EIF4G3: variants seen among roughly 807,000 people sequenced by gnomAD.
The protein encoded by EIF4G3 is eukaryotic translation initiation factor 4 gamma 3.
Under a neutral mutation model 186.4 loss-of-function variants are expected in EIF4G3, and 34 were observed. The observed-to-expected ratio is 0.18, with a 90% CI of 0.14 to 0.24. The LOEUF (loss-of-function observed/expected upper bound fraction) is 0.24, where lower values mean the gene tolerates loss of function less well. Ranked by LOEUF, EIF4G3 falls within the 10% of genes least tolerant of loss-of-function variation. The pLI is 1.00. For missense variants in EIF4G3, 1,536 were observed against 1,948.5 expected, an observed-to-expected ratio of 0.79 and a Z score of 3.99; for synonymous variants, 673 against 679.5, an observed-to-expected ratio of 0.99 and a Z score of 0.15.
chr1:21,128,552 T>C (rs956995413), intron 2 of EIF4G3, among the ~76,000 whole-genome samples: 3 of 152,150 alleles, frequency 2.0e-5, no homozygotes, highest in Non-Finnish European at 4.4e-5. Flanking sequence ...TTATATAACT[T>C]TGCTTTGGTC....
At chr1:20,809,920 CCTAAT>C (rs10599747) in intron 36 of EIF4G3, among the ~76,000 whole-genome samples, 47,667 of 151,756 alleles carry the variant, frequency 0.31, 8,189 homozygotes, top group Non-Finnish European at 0.39. Flanking sequence ...GATGAAATAA[CCTAAT>C]CTAAATAGTT....
chr1:20,845,255 T>C (rs1466088561), intron 29 of EIF4G3, among the ~76,000 whole-genome samples: 1 of 152,250 alleles, frequency 6.6e-6, no homozygotes, highest in Non-Finnish European at 1.5e-5. Flanking sequence ...TTGTTGAAGA[T>C]AAGATAATTG....
At chr1:21,153,322 C>A (rs957034227) in intron 2 of EIF4G3, among the ~76,000 whole-genome samples, 1 of 152,224 alleles carries the variant, frequency 6.6e-6, no homozygotes, top group African/African-American at 2.4e-5. Context: ...ATAGCACTAT[C>A]ATTCTTTTAA....
At chr1:20,912,510 A>C (rs1029807223) in intron 14 of EIF4G3, among the ~76,000 whole-genome samples, 1 of 152,150 alleles carries the variant, frequency 6.6e-6, no homozygotes, top group African/African-American at 2.4e-5. Context: ...ATGTGTCCAG[A>C]GTCTGGGTCT....
intron 4 of EIF4G3, among the ~76,000 whole-genome samples, chr1:21,041,429 T>G (rs1418824424): frequency 2.0e-5 from 3 of 152,152 alleles, no homozygotes; most frequent in Non-Finnish European, 2.9e-5. Flanking sequence ...TATAACAAAT[T>G]CATGTATTAA....
chr1:21,144,850 C>A (rs537193280), intron 2 of EIF4G3, among the ~76,000 whole-genome samples: 1 of 152,264 alleles, frequency 6.6e-6, no homozygotes, highest in Admixed American at 6.5e-5. Context: ...TCAAACTATG[C>A]AGATCTTGGT....
intron 30 of EIF4G3, among the ~76,000 whole-genome samples, chr1:20,829,496 A>G (rs1019000437): frequency 2.6e-5 from 4 of 152,198 alleles, no homozygotes; most frequent in African/African-American, 9.7e-5. Flanking sequence ...AAATAGGGCT[A>G]ATACTCTGAA....
chr1:20,906,668 C>A (rs1333216963), intron 14 of EIF4G3, among the ~76,000 whole-genome samples: 1 of 151,800 alleles, frequency 6.6e-6, no homozygotes, highest in African/African-American at 2.4e-5. Flanking sequence ...GGAAAAAAAA[C>A]AGCTACTGAG....
chr1:20,899,855 G>T lies in EIF4G3; in HGVS notation c.1841C>A (p.Pro614His). ...MSQGFHPERD[P>H]SDLKKVKAVE... Reference sequence around the variant, plus strand: ...AGCTTTCACTTTTTTTAGGTCAGAGGGGTCTCTTTCAGGATGAAACCCCTG... The same window carrying T: ...AGCTTTCACTTTTTTTAGGTCAGAGTGGTCTCTTTCAGGATGAAACCCCTG... Residue 614 changes from proline to histidine, a missense_variant, in exon 16 of 37, where the codon CCC becomes CAC. By Grantham distance (77) the Pro-to-His change is moderately conservative. This residue lies in a region of EIF4G3 where 560 missense variants were observed against 547.8 expected (regional missense o/e 1.02). Coordinates refer to ENST00000602326, the MANE Select transcript of EIF4G3 (RefSeq NM_001391906.1). 6.2e-7 allele frequency: 1 copy of T among 1,613,976 alleles called. No homozygotes were observed. The highest frequency in any genetic ancestry group is 8.5e-7 in the Non-Finnish European group (1 of 1,179,996).
rs553121983 is a variant in EIF4G3 at position 21,093,176 on chromosome 1, G to T, written c.-271-3963C>A. ...GAGTGAACAGGCAACCTACAGAATG[G>T]AAGAAAAATTTTGCAATCTACTCAT... On this transcript the variant is annotated intron_variant, in intron 2 of 36. Transcript: ENST00000602326. Among the ~76,000 whole-genome samples, 114 of 152,106 alleles carry T rather than the reference G, an allele frequency of 7.5e-4. 4 individuals are homozygous for T. The South Asian group carries it at 0.022, about 29-fold the overall frequency.
intron 18 of EIF4G3, among the ~76,000 whole-genome samples, chr1:20,889,410 C>G (rs1356993742): frequency 6.6e-6 from 1 of 152,164 alleles, no homozygotes; most frequent in Admixed American, 6.6e-5. Flanking sequence ...TTATATAGGT[C>G]CAATGCTCCT....
At chr1:21,065,397 CAAAAA>C (rs3081969) in intron 3 of EIF4G3, among the ~76,000 whole-genome samples, 72 of 124,080 alleles carry the variant, frequency 5.8e-4, no homozygotes, top group South Asian at 1.9e-3. Flanking sequence ...TTGTTTCTAC[CAAAAA>C]AAAAAAAAAA....
intron 14 of EIF4G3, among the ~76,000 whole-genome samples, chr1:20,917,103 T>C (rs1029624812): frequency 9.4e-5 from 14 of 149,636 alleles, no homozygotes; most frequent in Non-Finnish European, 1.5e-4. Context: ...TGTCTATCAA[T>C]AGGTTAACAA....
chr1:20,899,564 G>A, intron 16 of EIF4G3, 133 bp downstream of exon 16: 1 of 1,163,896 alleles, frequency 8.6e-7, no homozygotes, highest in Non-Finnish European at 1.2e-6. Flanking sequence ...TGGGCTTGCT[G>A]ATCTGTCCTG....
chr1:20,904,875 T>C lies in EIF4G3; in HGVS notation c.1752+8A>G, dbSNP rs368303486. The C allele has an allele frequency of 1.4e-4, 223 of 1,610,298 alleles. No homozygotes were observed. The highest frequency in any genetic ancestry group is 9.5e-4 in the Admixed American group (57 of 59,948). On this transcript the variant is annotated splice_region_variant and intron_variant, in intron 15 of 36. Coordinates refer to ENST00000602326, the MANE Select transcript of EIF4G3 (RefSeq NM_001391906.1). Reference sequence around the variant, plus strand: ...TGCTCTGAATATGAACTTAAGAGATTTGCTTACCTCCAATTCTGCCTCTAA... The same window carrying C: ...TGCTCTGAATATGAACTTAAGAGATCTGCTTACCTCCAATTCTGCCTCTAA...
intron 3 of EIF4G3, among the ~76,000 whole-genome samples, chr1:21,087,951 G>A (rs941247502): frequency 2.0e-5 from 3 of 150,546 alleles, no homozygotes; most frequent in African/African-American, 4.9e-5. Flanking sequence ...TTTTTAATTA[G>A]CATGCACAGT....
chr1:20,842,154 C>T (rs938427722), intron 29 of EIF4G3, among the ~76,000 whole-genome samples: 1 of 152,070 alleles, frequency 6.6e-6, no homozygotes, highest in Admixed American at 6.6e-5. Context: ...ACTATAATGT[C>T]AATAAAAATA....
At chr1:21,117,736 T>TAAAAAAAA (rs71014156) in intron 2 of EIF4G3, among the ~76,000 whole-genome samples, 2,904 of 72,980 alleles carry the variant, frequency 0.04, 84 homozygotes, top group Non-Finnish European at 0.057. Flanking sequence ...CAGTATATAG[T>TAAAAAAAA]AAAAAAAAAA....
At chr1:20,923,414 C>T (rs1326264107) in intron 14 of EIF4G3, among the ~76,000 whole-genome samples, 1 of 152,062 alleles carries the variant, frequency 6.6e-6, no homozygotes, top group Non-Finnish European at 1.5e-5. Flanking sequence ...GGCACTTTTG[C>T]ATTTTAATAA....
Sources: gnomAD v4.1 joint callset for allele counts (sites outside exome capture counted in the v4.1 genomes callset) on GRCh38, gnomAD v4.1.1 for gene constraint, gnomAD v4.1.1 regional missense constraint, MANE v1.5 for transcripts, NCBI Gene and HGNC (gene_info 2026-07-23, HGNC 2026-07-21) for gene names.